CLEC4C: variants seen among roughly 807,000 people sequenced by gnomAD.
CLEC4C encodes C-type lectin domain family 4 member C, also known as C-type (calcium dependent, carbohydrate-recognition domain) lectin, superfamily member 11.
A neutral mutation model predicts 27.7 loss-of-function variants in CLEC4C; 17 were observed. The ratio of observed to expected loss-of-function variants is 0.61; its 90% CI spans 0.42 to 0.92. The LOEUF is 0.92. Ranked by LOEUF, CLEC4C falls within the 40% of genes least tolerant of loss-of-function variation. The pLI, the probability that CLEC4C is intolerant of heterozygous loss-of-function variation, is 0.00. For missense variants in CLEC4C, 244 were observed against 257.3 expected (o/e 0.95, Z 0.35); for synonymous variants, 80 against 80.8 (o/e 0.99, Z 0.06).
intron 3 of CLEC4C, among the ~76,000 whole-genome samples, chr12:7,740,386 G>A (rs1864825637): frequency 6.6e-6 from 1 of 152,090 alleles, no homozygotes; most frequent in South Asian, 2.1e-4. Context: ...ATTGGATGCA[G>A]GGGTGAAGAT....
At chr12:7,747,632 C>CTTTTTTTTTTTT (rs201227947), upstream of CLEC4C, 1 of 87,936 alleles carries the variant, frequency 1.1e-5, no homozygotes, top group African/African-American at 4.5e-5. Context: ...GTCTGATTGT[C>CTTTTTTTTTTTT]TTTTTTTTTT....
At chr12:7,739,493 C>T (rs966987269) in intron 3 of CLEC4C, among the ~76,000 whole-genome samples, 1 of 151,998 alleles carries the variant, frequency 6.6e-6, no homozygotes, top group African/African-American at 2.4e-5. Flanking sequence ...AGAGGCATTT[C>T]TGGGGTGGAA....
At chr12:7,747,245 T>C (rs1316217972) in intron 1 of CLEC4C, 73 bp downstream of exon 1, 3 of 1,317,320 alleles carry the variant, frequency 2.3e-6, no homozygotes, top group Non-Finnish European at 3.3e-6. Flanking sequence ...GTCATCCCTA[T>C]CACCTCAATG....
chr12:7,741,258 G>C (rs1014138697), intron 3 of CLEC4C, among the ~76,000 whole-genome samples, 163 bp downstream of exon 3: 1 of 152,162 alleles, frequency 6.6e-6, no homozygotes, highest in Non-Finnish European at 1.5e-5. Context: ...GAGCCATTGG[G>C]CCCAGCCTGA....
chr12:7,747,919 C>T (rs1865021545), upstream of CLEC4C, among the ~76,000 whole-genome samples: 1 of 62,660 alleles, frequency 1.6e-5, no homozygotes, highest in Non-Finnish European at 3.2e-5. Context: ...AAAACTCCAT[C>T]TCCAAAAAAA....
intron 4 of CLEC4C, among the ~76,000 whole-genome samples, chr12:7,734,779 C>G (rs1430652835): frequency 9.2e-5 from 14 of 151,850 alleles, no homozygotes. Context: ...AACTCCTGAC[C>G]TGAGGTGATC....
At chr12:7,747,435 G>A (rs372529475), upstream of CLEC4C, 2 of 1,405,612 alleles carry the variant, frequency 1.4e-6, no homozygotes, top group Non-Finnish European at 2.0e-6. Context: ...TACTTTCGGG[G>A]TGTGGTTCTT....
chr12:7,743,423 C>T (rs924657321), intron 2 of CLEC4C, among the ~76,000 whole-genome samples: 5 of 149,602 alleles, frequency 3.3e-5, no homozygotes, highest in South Asian at 2.1e-4. Context: ...CTTGCTCTGT[C>T]GCCCAGGCTG....
chr12:7,732,124 G>C (rs931697167), intron 4 of CLEC4C, among the ~76,000 whole-genome samples: 15 of 152,140 alleles, frequency 9.9e-5, no homozygotes, highest in African/African-American at 3.4e-4. Flanking sequence ...CTGCCTCCCG[G>C]GTTCAAGTGA....
intron 4 of CLEC4C, among the ~76,000 whole-genome samples, chr12:7,732,763 C>A (rs948911028): frequency 6.6e-6 from 1 of 151,392 alleles, no homozygotes; most frequent in Non-Finnish European, 1.5e-5. Flanking sequence ...GAGATCAAGA[C>A]CATACTGGCT....
chr12:7,736,522 AT>A lies in CLEC4C; in HGVS notation c.381+906del, dbSNP rs200360449. Among the ~76,000 whole-genome samples, 705 of 152,096 alleles carry A rather than the reference AT, an allele frequency of 4.6e-3. 4 individuals are homozygous for A. Among genetic ancestry groups the A allele is most frequent in the African/African-American group, 0.016 (667 of 41,492 alleles). ...CAAATTCACTATTTTATTTGCCTGA[AT>A]TTTTTTTCTTATATTTTTAAAATTA... is the stretch of plus-strand genomic sequence containing the variant. On this transcript the variant is annotated intron_variant, in intron 4 of 5. Coordinates refer to ENST00000360345, the MANE Select transcript of CLEC4C (RefSeq NM_001371390.1).
upstream of CLEC4C, among the ~76,000 whole-genome samples, chr12:7,747,922 C>CA (rs36046177): frequency 0.81 from 84,665 of 104,874 alleles, 34,959 homozygotes; most frequent in Admixed American, 0.86. Context: ...ACTCCATCTC[C>CA]AAAAAAAAAA....
intron 2 of CLEC4C, 74 bp downstream of exon 2, chr12:7,746,257 G>T: frequency 8.6e-6 from 7 of 816,640 alleles, no homozygotes; most frequent in East Asian, 2.6e-5. Context: ...AGAGGAACGT[G>T]TTTCTTCAGG....
At chr12:7,739,461 TC>T (rs5796286) in intron 3 of CLEC4C, among the ~76,000 whole-genome samples, 21,432 of 151,858 alleles carry the variant, frequency 0.14, 1,622 homozygotes, top group East Asian at 0.31. Context: ...CATATTTCCT[TC>T]CTGCAAAGGA....
chr12:7,738,818 GTT>G (rs1386066160), intron 3 of CLEC4C, among the ~76,000 whole-genome samples: 1 of 152,000 alleles, frequency 6.6e-6, no homozygotes, highest in Non-Finnish European at 1.5e-5. Flanking sequence ...TGATAGTTTT[GTT>G]TTGTTTTTAA....
intron 4 of CLEC4C, among the ~76,000 whole-genome samples, chr12:7,732,787 C>T (rs11055508): frequency 0.22 from 33,664 of 151,082 alleles, 4,518 homozygotes; most frequent in Admixed American, 0.32. Context: ...ATGGTGAAAC[C>T]CCGTCTCTAC....
chr12:7,748,688 G>A (rs774925823), upstream of CLEC4C, among the ~76,000 whole-genome samples: 10 of 152,274 alleles, frequency 6.6e-5, no homozygotes, highest in Admixed American at 5.2e-4. Context: ...CTCTGCCCCT[G>A]CCTCAGGGGT....
At chr12:7,745,340 C>A (rs1864947754) in intron 2 of CLEC4C, among the ~76,000 whole-genome samples, 1 of 151,224 alleles carries the variant, frequency 6.6e-6, no homozygotes, top group African/African-American at 2.4e-5. Flanking sequence ...CCATACCCAA[C>A]CATCCTGACA....
At chr12:7,747,408 A>G (rs1865008282), upstream of CLEC4C, 1 of 1,547,228 alleles carries the variant, frequency 6.5e-7, no homozygotes, top group Non-Finnish European at 8.9e-7. Context: ...CTCTTGTATC[A>G]CTTTCTCCAA....
Sources: allele counts gnomAD v4.1 joint callset (sites outside exome capture counted in the v4.1 genomes callset), GRCh38; gene constraint gnomAD v4.1.1; transcripts MANE v1.5; gene names NCBI Gene and HGNC (gene_info 2026-07-23, HGNC 2026-07-21).